Variants in BRD7 observed in about 807,000 individuals in gnomAD.
The protein encoded by BRD7 is bromodomain containing 7.
Under a neutral mutation model 82.1 loss-of-function variants are expected in BRD7, and 15 were observed. The observed-to-expected ratio is 0.18, with a 90% CI of 0.12 to 0.28. The LOEUF is 0.28. Ranked by LOEUF, BRD7 falls within the 10% of genes least tolerant of loss-of-function variation. The probability of loss-of-function intolerance (pLI) is 1.00; values close to 1 mark genes in which losing one functional copy is unlikely to be tolerated. For synonymous variants in BRD7, 232 were observed against 266.9 expected, an observed-to-expected ratio of 0.87 and a Z score of 1.27; for missense variants, 638 against 779.9, an observed-to-expected ratio of 0.82 and a Z score of 2.17.
chr16:50,362,799 A>G (rs1170906825), intron 2 of BRD7, among the ~76,000 whole-genome samples: 1 of 152,082 alleles, frequency 6.6e-6, no homozygotes, highest in African/African-American at 2.4e-5. Context: ...AGAAAGGAAA[A>G]TGGGGAGTTT....
intron 4 of BRD7, among the ~76,000 whole-genome samples, chr16:50,351,890 T>C (rs909721916): frequency 2.6e-5 from 4 of 152,184 alleles, no homozygotes; most frequent in Non-Finnish European, 4.4e-5. Context: ...GTAATTAGCA[T>C]ATTTATCACC....
At chr16:50,333,454 T>C (rs2037656589) in intron 8 of BRD7, 120 bp downstream of exon 8, 12 of 1,289,478 alleles carry the variant, frequency 9.3e-6, no homozygotes, top group Non-Finnish European at 1.1e-5. Context: ...TGCTAAGTAT[T>C]ATACTGATGA....
chr16:50,334,720 T>G lies in BRD7; in HGVS notation c.878A>C (p.Glu293Ala). ...CCCAAAGATCTTTTACTTTTTATTT[T>G]CTTTGCTGGGACTCTTGAAGGCGTG... ...EAHAFKSPSK[E>A]NKKKDKDMLE... is the part of the protein sequence containing the mutation. The change falls in exon 7 of 17, where the codon GAA becomes GCA. Residue 293 changes from glutamate to alanine, a missense_variant. Around this residue, in one of 3 missense-constraint regions of BRD7, gnomAD observed 402 missense variants for 500.8 expected, o/e 0.80. Coordinates refer to ENST00000394688, the MANE Select transcript of BRD7 (RefSeq NM_013263.5). 7 of 1,613,144 alleles carry G rather than the reference T, an allele frequency of 4.3e-6. No individual in the cohort carries two copies. Among genetic ancestry groups the G allele is most frequent in the Non-Finnish European group, 5.1e-6 (6 of 1,179,636 alleles).
chr16:50,336,510 C>A (rs940440732), intron 6 of BRD7, among the ~76,000 whole-genome samples: 2 of 152,014 alleles, frequency 1.3e-5, no homozygotes, highest in Non-Finnish European at 2.9e-5. Context: ...TGCAGTGAGC[C>A]GAGATTGCGC....
intron 5 of BRD7, chr16:50,349,390 TAAAAAA>T: frequency 3.6e-6 from 1 of 274,170 alleles, no homozygotes; most frequent in South Asian, 3.2e-5. Flanking sequence ...GAACTTAAAT[TAAAAAA>T]AAAAAAATTA....
chr16:50,366,584 C>T (rs529489000), intron 2 of BRD7, among the ~76,000 whole-genome samples: 24 of 152,244 alleles, frequency 1.6e-4, no homozygotes, highest in Middle Eastern at 6.8e-3. Context: ...ATACCTTGAG[C>T]AAGGGAAACT....
intron 12 of BRD7, among the ~76,000 whole-genome samples, chr16:50,323,018 CTATT>C (rs1384490210): frequency 9.9e-5 from 15 of 152,154 alleles, no homozygotes; most frequent in Admixed American, 9.8e-4. Flanking sequence ...GTTCCTCTAA[CTATT>C]GTGACAGGAA....
At chr16:50,338,494 A>T (rs1846554776) in intron 6 of BRD7, among the ~76,000 whole-genome samples, 1 of 152,272 alleles carries the variant, frequency 6.6e-6, no homozygotes, top group African/African-American at 2.4e-5. Flanking sequence ...ATGAATCACC[A>T]TAAAAATCGA....
intron 8 of BRD7, among the ~76,000 whole-genome samples, chr16:50,330,944 T>C (rs1470034966): frequency 1.3e-5 from 2 of 152,080 alleles, no homozygotes; most frequent in Non-Finnish European, 2.9e-5. Flanking sequence ...GAGAAACAAT[T>C]CTATATACAT....
At chr16:50,337,258 T>C (rs1344329166) in intron 6 of BRD7, among the ~76,000 whole-genome samples, 1 of 27,736 alleles carries the variant, frequency 3.6e-5, no homozygotes, top group Non-Finnish European at 6.1e-5. Flanking sequence ...TCATTCTTCT[T>C]TTTTTTTTTT....
At chr16:50,326,209 A>G in intron 10 of BRD7, 75 bp downstream of exon 10, 1 of 1,201,502 alleles carries the variant, frequency 8.3e-7, no homozygotes, top group Admixed American at 1.9e-5. Flanking sequence ...TAGTGAATAA[A>G]GCATAATCGT....
intron 8 of BRD7, among the ~76,000 whole-genome samples, chr16:50,329,303 G>C (rs1001098537): frequency 8.5e-5 from 13 of 152,142 alleles, no homozygotes; most frequent in Non-Finnish European, 7.4e-5. Flanking sequence ...ATCAAAAAAG[G>C]CTACTATGGA....
intron 2 of BRD7, among the ~76,000 whole-genome samples, chr16:50,361,384 A>G (rs950801878): frequency 1.3e-5 from 2 of 152,290 alleles, no homozygotes; most frequent in South Asian, 4.1e-4. Flanking sequence ...TTCTCATTTT[A>G]TTCTGATAAC....
At chr16:50,328,510 C>T (rs1416893496) in intron 9 of BRD7, among the ~76,000 whole-genome samples, 159 bp downstream of exon 9, 1 of 152,182 alleles carries the variant, frequency 6.6e-6, no homozygotes, top group East Asian at 1.9e-4. Flanking sequence ...GAAAGTTAGG[C>T]TAGCTGTTAC....
Position 50,317,700 on chromosome 16 carries a change from T to TTTTC in BRD7, c.*1507_*1510dup, listed in dbSNP as rs1481371986. ...TGACCATAAAAATTACCTGCAGGTATTTTCTTTTTATGAACTTGTTTTTAA... is the reference window on the plus strand; with the variant it reads ...TGACCATAAAAATTACCTGCAGGTATTTTCTTTCTTTTTATGAACTTGTTTTTAA... On this transcript the variant is annotated 3_prime_UTR_variant, in exon 17 of 17. Coordinates refer to ENST00000394688, the MANE Select transcript of BRD7 (RefSeq NM_013263.5). The TTTTC allele has an allele frequency of 1.3e-5, 2 of 152,320 alleles. No homozygotes were observed. Among genetic ancestry groups the TTTTC allele is most frequent in the Admixed American group, 6.5e-5 (1 of 15,286 alleles). The allele number at this position is 152,320 out of a possible 1,614,324, so 9.4% of individuals were successfully genotyped here.
chr16:50,338,393 T>C (rs892853671), intron 6 of BRD7, among the ~76,000 whole-genome samples: 4 of 152,198 alleles, frequency 2.6e-5, no homozygotes, highest in African/African-American at 9.7e-5. Context: ...TCTAGTTAAG[T>C]GAATCCAAGA....
intron 6 of BRD7, among the ~76,000 whole-genome samples, chr16:50,337,256 CTTTTTTT>C (rs71138063): frequency 3.1e-4 from 29 of 93,252 alleles, no homozygotes; most frequent in Middle Eastern, 6.3e-3. Context: ...GTTCATTCTT[CTTTTTTT>C]TTTTTTTTTT....
chr16:50,350,467 C>T (rs1476719987), intron 4 of BRD7, among the ~76,000 whole-genome samples: 1 of 152,196 alleles, frequency 6.6e-6, no homozygotes, highest in African/African-American at 2.4e-5. Context: ...CCTCAACTAA[C>T]TGACCAATGT....
Position 50,333,581 on chromosome 16 carries a change from T to C in BRD7, c.1004A>G (p.Asn335Ser). 2 of 1,611,842 alleles carry C rather than the reference T, an allele frequency of 1.2e-6. No individual in the cohort carries two copies. Among genetic ancestry groups the C allele is most frequent in the Non-Finnish European group, 1.7e-6 (2 of 1,179,780 alleles). The change falls in exon 8 of 17, where the codon AAC (asparagine) becomes AGC (serine). Residue 335 changes from asparagine (N) to serine (S), a missense_variant. Coordinates refer to ENST00000394688, the MANE Select transcript of BRD7 (RefSeq NM_013263.5). ...SGGKLTRRLV[N>S]SQCEFERRKP... is the part of the protein sequence containing the mutation. ...AAGGCAAAGCTCAATCACCTGACTG[T>C]TCACAAGCCGCCTGGTCAGCTTTCC...
Sources: allele counts gnomAD v4.1 joint callset (sites outside exome capture counted in the v4.1 genomes callset), GRCh38; gene constraint gnomAD v4.1.1; regional missense constraint gnomAD v4.1.1; transcripts MANE v1.5; gene names NCBI Gene and HGNC (gene_info 2026-07-23, HGNC 2026-07-21).